The following KIF7 variants were observed in gnomAD, a reference collection of about 807,000 sequenced individuals.
KIF7 encodes kinesin family member 7.
In KIF7, 104 loss-of-function variants were observed where a neutral mutation model predicts 135.7. The observed-to-expected ratio is 0.77, with a 90% confidence interval of 0.65 to 0.90. The LOEUF is 0.90. KIF7 is among the 40% of genes least tolerant of loss of function. The pLI, the probability that KIF7 is intolerant of heterozygous loss-of-function variation, is 0.00. For synonymous variants in KIF7, 883 were observed against 809.4 expected (o/e 1.09, Z -1.54); for missense variants, 2,005 against 1,839.1 (o/e 1.09, Z -1.65).
In KIF7 at chr15:89,651,041, C is replaced by T. The variant is rs574828834; in HGVS notation, c.329-1100G>A. 6.6e-4 allele frequency among the ~76,000 whole-genome samples: 100 copies of T among 152,298 alleles called. 1 individual carries two copies. In the South Asian group the frequency reaches 0.014, roughly 21 times the overall value. ...CTGCCTCCTGGGTTCAAGCAATCCT[C>T]CTGCCTCAGCCTCCTGAGTAGCTGG... On this transcript the variant is annotated intron_variant, in intron 2 of 18. Coordinates refer to ENST00000394412, the MANE Select transcript of KIF7 (RefSeq NM_198525.3).
In KIF7 at chr15:89,645,125, G is replaced by T. The variant is rs113112856; in HGVS notation, c.2079C>A (p.Val693=). 7.7e-5 allele frequency: 123 copies of T among 1,605,120 alleles called. 1 individual carries two copies. In the African/African-American group the frequency reaches 1.1e-3, roughly 14 times the overall value. ...GCCACTCTGAGGCTGTGGCAGGGGG[G>T]ACCTGGCGGGCCTGAACTCGGGCCT... ...GSKARVQARQ[V]PPATASEWRL... The change falls in exon 10 of 19, where the codon GTC becomes GTA. Residue 693 remains valine, a synonymous_variant. Coordinates refer to ENST00000394412, the MANE Select transcript of KIF7 (RefSeq NM_198525.3).
intron 11 of KIF7, 151 bp from the exon 12 acceptor site, chr15:89,634,034 C>A: frequency 2.4e-6 from 2 of 838,968 alleles, no homozygotes; most frequent in Non-Finnish European, 3.9e-6. Flanking sequence ...TGCGGTGGCT[C>A]ACGTCTGTAA....
chr15:89,648,606 T>G lies in KIF7; in HGVS notation c.1092A>C (p.Pro364=). ...TVNWRPEAER[P]PEETASGARG... ...GCGCGCCGCTCGCCGTCTCTTCGGG[T>G]GGCCGCTCGGCCTCGGGCCGCCAGT... The change falls in exon 5 of 19, where the codon CCA becomes CCC. Residue 364 remains proline (P), a synonymous_variant. Transcript: ENST00000394412. 6.5e-7 allele frequency: 1 copy of G among 1,532,274 alleles called. No individual in the cohort carries two copies. Among genetic ancestry groups the G allele is most frequent in the Non-Finnish European group, 8.7e-7 (1 of 1,144,442 alleles). 94.9% of individuals were successfully genotyped at this position (1,532,274 alleles called of 1,614,324 possible).
At chr15:89,626,142 A>G, downstream of KIF7, 1 of 1,551,816 alleles carries the variant, frequency 6.4e-7, no homozygotes, top group African/African-American at 1.4e-5. Context: ...GCTCGATTCT[A>G]GAGGAGCCCC....
intron 10 of KIF7, among the ~76,000 whole-genome samples, chr15:89,643,388 G>A (rs1349079831): frequency 6.6e-6 from 1 of 152,208 alleles, no homozygotes; most frequent in Non-Finnish European, 1.5e-5. Context: ...GTCAGTTACT[G>A]TAAATACTAT....
the KIF7 span, among the ~76,000 whole-genome samples, chr15:89,660,616 C>A: frequency 7.2e-5 from 11 of 152,176 alleles, no homozygotes; most frequent in African/African-American, 2.7e-4. Flanking sequence ...TGAGTGTCAT[C>A]CCAGTCTGGA....
chr15:89,657,679 G>A (rs539379587), upstream of KIF7, among the ~76,000 whole-genome samples: 1 of 152,270 alleles, frequency 6.6e-6, no homozygotes, highest in East Asian at 1.9e-4. Flanking sequence ...AATGTATACT[G>A]TAGGCCTGAA....
rs1435825340 is a variant in KIF7, at chr15:89,628,060, AACCACAACCTGGTT to A, written c.*345_*358del. The A allele has an allele frequency of 4.1e-5, 9 of 219,444 alleles. No individual in the cohort carries two copies. The highest frequency in any genetic ancestry group is 2.1e-4 in the African/African-American group (9 of 43,780). 13.6% of individuals were successfully genotyped at this position (219,444 alleles called of 1,614,324 possible). Reference sequence around the variant, plus strand: ...TCCCCTATATACATAAGACCATTTAAACCACAACCTGGTTACCACCGACCCTTTCGTGATGATTC... The same window carrying A: ...TCCCCTATATACATAAGACCATTTAAACCACCGACCCTTTCGTGATGATTC... On this transcript the variant is annotated 3_prime_UTR_variant, in exon 19 of 19. Coordinates refer to ENST00000394412, the MANE Select transcript of KIF7 (RefSeq NM_198525.3).
chr15:89,649,609 T>C (rs1964090546), intron 3 of KIF7, 132 bp downstream of exon 3: 1 of 1,121,872 alleles, frequency 8.9e-7, no homozygotes, highest in Non-Finnish European at 1.3e-6. Flanking sequence ...GGCAAGAAGC[T>C]AAAGCAAAAC....
intron 1 of KIF7, among the ~76,000 whole-genome samples, 191 bp from the exon 2 acceptor site, chr15:89,653,145 C>A (rs1343253562): frequency 6.6e-6 from 1 of 152,184 alleles, no homozygotes; most frequent in African/African-American, 2.4e-5. Flanking sequence ...ATATATAGTC[C>A]CCCACAGGAA....
At chr15:89,657,492 G>A (rs1964220285), upstream of KIF7, among the ~76,000 whole-genome samples, 1 of 152,000 alleles carries the variant, frequency 6.6e-6, no homozygotes, top group African/African-American at 2.4e-5. Flanking sequence ...GCTCTTTCTG[G>A]TGGATGTGCA....
intron 11 of KIF7, among the ~76,000 whole-genome samples, chr15:89,634,270 G>A (rs1416154317): frequency 6.6e-6 from 1 of 152,192 alleles, no homozygotes; most frequent in African/African-American, 2.4e-5. Context: ...CTGCACTCCA[G>A]CTTGGGCAAC....
rs1463172939 is a variant in KIF7 at position 89,646,797 on chromosome 15, G to A, written c.1788+33C>T. On this transcript the variant is annotated intron_variant, in intron 7 of 18. Coordinates refer to ENST00000394412, the MANE Select transcript of KIF7 (RefSeq NM_198525.3). The stretch of plus-strand genomic sequence containing the variant: ...CCCCGAACTTGACCAGTCCAGCAGG[G>A]CCCACAGACACCCAGCCTCACCCTC... 3.1e-6 allele frequency: 5 copies of A among 1,599,844 alleles called. No homozygotes were observed. In the African/African-American group the frequency reaches 6.7e-5, roughly 21 times the overall value.
chr15:89,628,898 G>T, intron 18 of KIF7, 78 bp downstream of exon 18: 1 of 1,612,170 alleles, frequency 6.2e-7, no homozygotes, highest in Non-Finnish European at 8.5e-7. Context: ...AGCCAATAAA[G>T]GCTCGAGGGA....
At chr15:89,652,046 T>C (rs1964132204) in intron 2 of KIF7, among the ~76,000 whole-genome samples, 1 of 152,182 alleles carries the variant, frequency 6.6e-6, no homozygotes, top group South Asian at 2.1e-4. Flanking sequence ...ACCCAGTCTA[T>C]GGTATTCTGT....
chr15:89,626,595 C>T (rs188822669), downstream of KIF7, among the ~76,000 whole-genome samples: 141 of 152,170 alleles, frequency 9.3e-4, no homozygotes, highest in Middle Eastern at 3.4e-3. Context: ...AGGGGGAGTG[C>T]AGGAGGAGGG....
At chr15:89,646,130 T>A in intron 7 of KIF7, 104 bp from the exon 8 acceptor site, 1 of 1,445,958 alleles carries the variant, frequency 6.9e-7, no homozygotes, top group East Asian at 2.3e-5. Flanking sequence ...TGCCTTACCT[T>A]CGTGATCCAG....
intron 12 of KIF7, 28 bp from the exon 13 acceptor site, chr15:89,633,294 T>A (rs1156303483): frequency 9.7e-6 from 15 of 1,544,126 alleles, no homozygotes; most frequent in Non-Finnish European, 1.3e-5. Flanking sequence ...TGGGCAGGGC[T>A]GTTTATGGTG....
rs751970641 is a variant in KIF7, at chr15:89,633,710, C to T, written c.2568G>A (p.Met856Ile). The change falls in exon 12 of 19, where the codon ATG (methionine) becomes ATA (isoleucine). Residue 856 changes from methionine to isoleucine, a missense_variant. Coordinates refer to ENST00000394412, the MANE Select transcript of KIF7 (RefSeq NM_198525.3). ...TEQKRRLEAE[M>I]SKRQHRVKEL... is the part of the protein sequence containing the mutation. Reference sequence around the variant, plus strand: ...CCTTGACGCGGTGCTGCCGCTTGCTCATTTCTGCCTCCAGGCGCCGCTTCT... The same window carrying T: ...CCTTGACGCGGTGCTGCCGCTTGCTTATTTCTGCCTCCAGGCGCCGCTTCT... 6 of 1,608,010 alleles carry T rather than the reference C, an allele frequency of 3.7e-6. No homozygotes were observed. The South Asian group carries it at 4.4e-5, about 12-fold the overall frequency.
Sources: gnomAD v4.1 joint callset for allele counts (sites outside exome capture counted in the v4.1 genomes callset) on GRCh38, gnomAD v4.1.1 for gene constraint, MANE v1.5 for transcripts, NCBI Gene and HGNC (gene_info 2026-07-23, HGNC 2026-07-21) for gene names.